TRAT1: variants seen among roughly 807,000 people sequenced by gnomAD.
The protein encoded by TRAT1 is T-cell receptor-associated transmembrane adapter 1.
TRAT1 carries 20 observed loss-of-function variants against 20.0 expected under a neutral mutation model. The observed-to-expected ratio is 1.00, with a 90% CI of 0.70 to 1.45. The LOEUF (loss-of-function observed/expected upper bound fraction) is 1.45, where lower values mean the gene tolerates loss of function less well. TRAT1 is among the 40% of genes most tolerant of loss of function. The pLI, the probability that TRAT1 is intolerant of heterozygous loss-of-function variation, is 0.00. For missense variants in TRAT1, 237 were observed against 224.1 expected (o/e 1.06, Z -0.37); for synonymous variants, 77 against 74.2 (o/e 1.04, Z -0.20).
intron 3 of TRAT1, among the ~76,000 whole-genome samples, chr3:108,840,817 C>CA (rs1945890219): frequency 6.6e-6 from 1 of 152,226 alleles, no homozygotes; most frequent in Non-Finnish European, 1.5e-5. Flanking sequence ...ACTTACTCAG[C>CA]AAAGGACAAC....
At chr3:108,841,322 T>G (rs960057691) in intron 3 of TRAT1, among the ~76,000 whole-genome samples, 1 of 152,246 alleles carries the variant, frequency 6.6e-6, no homozygotes, top group African/African-American at 2.4e-5. Context: ...ATATTTTAAT[T>G]CACAAGTTTA....
At chr3:108,829,635 T>C (rs1274420399) in intron 1 of TRAT1, among the ~76,000 whole-genome samples, 1 of 125,446 alleles carries the variant, frequency 8.0e-6, no homozygotes, top group Non-Finnish European at 1.8e-5. Context: ...GGTCGATGAT[T>C]GACCACATAT....
chr3:108,831,266 G>C (rs1165016680), intron 2 of TRAT1, among the ~76,000 whole-genome samples: 1 of 152,206 alleles, frequency 6.6e-6, no homozygotes, highest in African/African-American at 2.4e-5. Context: ...TGGGCTTGCT[G>C]TCAAACACTC....
At chr3:108,846,937 C>T (rs1559824793) in intron 3 of TRAT1, 131 bp from the exon 4 acceptor site, 3 of 641,346 alleles carry the variant, frequency 4.7e-6, no homozygotes, top group Non-Finnish European at 8.5e-6. Context: ...CAAGAACACA[C>T]CTACCGTGGT....
intron 3 of TRAT1, among the ~76,000 whole-genome samples, chr3:108,843,972 C>T (rs146259233): frequency 2.0e-3 from 305 of 152,328 alleles, no homozygotes; most frequent in African/African-American, 6.9e-3. Context: ...CATCCTCTCT[C>T]ATGGCTTTAA....
At chr3:108,823,586 T>A (rs926981850) in intron 1 of TRAT1, among the ~76,000 whole-genome samples, 9 of 152,228 alleles carry the variant, frequency 5.9e-5, no homozygotes, top group African/African-American at 1.7e-4. Context: ...GTGGGAGAAC[T>A]GTGAAATATA....
chr3:108,824,349 C>T (rs761774758), intron 1 of TRAT1, among the ~76,000 whole-genome samples: 1 of 152,136 alleles, frequency 6.6e-6, no homozygotes, highest in Non-Finnish European at 1.5e-5. Flanking sequence ...TGCCAATTCC[C>T]TCTCATTCTA....
intron 5 of TRAT1, among the ~76,000 whole-genome samples, chr3:108,851,612 A>G (rs1161076525): frequency 7.4e-6 from 1 of 135,586 alleles, no homozygotes; most frequent in African/African-American, 2.8e-5. Context: ...CCAATATGTG[A>G]AAGTCCCTCC....
chr3:108,840,272 T>A (rs539341116), intron 3 of TRAT1, among the ~76,000 whole-genome samples: 3 of 152,344 alleles, frequency 2.0e-5, no homozygotes, highest in Admixed American at 2.0e-4. Flanking sequence ...AAGAATGATT[T>A]GCTTACTGCT....
chr3:108,823,048 G>A (rs1294631464), intron 1 of TRAT1, 114 bp downstream of exon 1: 5 of 917,938 alleles, frequency 5.4e-6, no homozygotes, highest in African/African-American at 1.7e-5. Flanking sequence ...TAAAAATGTT[G>A]GATAACTTTT....
intron 1 of TRAT1, among the ~76,000 whole-genome samples, chr3:108,826,095 A>G (rs543576083): frequency 6.2e-4 from 94 of 152,292 alleles, no homozygotes; most frequent in African/African-American, 2.2e-3. Context: ...CCTCACTCTC[A>G]TATTTATACT....
chr3:108,830,135 T>G (rs888131788), intron 1 of TRAT1, among the ~76,000 whole-genome samples: 7 of 152,152 alleles, frequency 4.6e-5, no homozygotes, highest in African/African-American at 1.7e-4. Flanking sequence ...TTTACATTCA[T>G]GGGGCTCTAC....
intron 1 of TRAT1, among the ~76,000 whole-genome samples, chr3:108,826,799 G>A (rs1415797362): frequency 6.6e-6 from 1 of 152,144 alleles, no homozygotes; most frequent in Non-Finnish European, 1.5e-5. Flanking sequence ...ACTTGTCTCA[G>A]TTAAAGATAG....
At chr3:108,825,290 G>A (rs1414378421) in intron 1 of TRAT1, among the ~76,000 whole-genome samples, 1 of 151,820 alleles carries the variant, frequency 6.6e-6, no homozygotes, top group African/African-American at 2.4e-5. Flanking sequence ...ATAATGTTCT[G>A]GTATCATAAT....
At chr3:108,844,935 T>C (rs1392577438) in intron 3 of TRAT1, among the ~76,000 whole-genome samples, 1 of 151,514 alleles carries the variant, frequency 6.6e-6, no homozygotes. Flanking sequence ...AATTAATATA[T>C]TTTTCTTAAT....
intron 2 of TRAT1, among the ~76,000 whole-genome samples, chr3:108,836,213 C>T (rs151042596): frequency 6.6e-6 from 1 of 152,072 alleles, no homozygotes; most frequent in Non-Finnish European, 1.5e-5. Context: ...CCACCGTGCC[C>T]GGCCAGAGTT....
At chr3:108,836,528 C>CAA (rs1221215639) in intron 2 of TRAT1, among the ~76,000 whole-genome samples, 2 of 152,084 alleles carry the variant, frequency 1.3e-5, no homozygotes, top group African/African-American at 4.8e-5. Context: ...CTTTTAACTT[C>CAA]AAAATATCAT....
At chr3:108,835,789 G>A (rs1275743485) in intron 2 of TRAT1, among the ~76,000 whole-genome samples, 2 of 151,646 alleles carry the variant, frequency 1.3e-5, no homozygotes, top group African/African-American at 4.8e-5. Context: ...TTATATAGTT[G>A]CTTCTATTTC....
chr3:108,837,724 G>A (rs1276904549), intron 2 of TRAT1, among the ~76,000 whole-genome samples: 5 of 152,080 alleles, frequency 3.3e-5, no homozygotes, highest in Non-Finnish European at 7.4e-5. Context: ...TTAATGCCAG[G>A]TTGAAAAATA....
Sources: gnomAD v4.1 joint callset for allele counts (sites outside exome capture counted in the v4.1 genomes callset) on GRCh38, gnomAD v4.1.1 for gene constraint, MANE v1.5 for transcripts, NCBI Gene and HGNC (gene_info 2026-07-23, HGNC 2026-07-21) for gene names.